IFT43: variants seen among roughly 807,000 people sequenced by gnomAD.
The protein encoded by IFT43 is intraflagellar transport protein 43 homolog.
Under a neutral mutation model 32.3 loss-of-function variants are expected in IFT43, and 33 were observed. That is an observed-to-expected ratio of 1.02 (90% confidence interval 0.77 to 1.37). The LOEUF is 1.37. IFT43 is among the 40% of genes most tolerant of loss of function. The probability of loss-of-function intolerance (pLI) is 0.00; values close to 1 mark genes in which losing one functional copy is unlikely to be tolerated. For synonymous variants in IFT43, 93 were observed against 98.2 expected (o/e 0.95, Z 0.31); for missense variants, 274 against 265.9 (o/e 1.03, Z -0.21).
intron 2 of IFT43, among the ~76,000 whole-genome samples, chr14:76,004,025 C>T (rs2035937892): frequency 6.6e-6 from 1 of 152,194 alleles, no homozygotes; most frequent in African/African-American, 2.4e-5. Flanking sequence ...ATCCACCTGC[C>T]TCGGCCTCCC....
chr14:76,009,345 G>C lies in IFT43; in HGVS notation c.148-12982G>C, dbSNP rs146263838. ...TAGTACCCACTTCATCATATCATAAGATTCAGCAAATAATCCTCCTAAAGC... is the reference window on the plus strand; with the variant it reads ...TAGTACCCACTTCATCATATCATAACATTCAGCAAATAATCCTCCTAAAGC... On this transcript the variant is annotated intron_variant, in intron 2 of 8. Coordinates refer to ENST00000314067, the MANE Select transcript of IFT43 (RefSeq NM_001102564.3). Among the ~76,000 whole-genome samples the C allele has an allele frequency of 8.9e-3, 1,357 of 152,320 alleles. 18 individuals are homozygous for C. Among genetic ancestry groups the C allele is most frequent in the African/African-American group, 0.03 (1,263 of 41,558 alleles).
chr14:76,047,765 A>G (rs1016127585), intron 3 of IFT43, among the ~76,000 whole-genome samples: 2 of 151,032 alleles, frequency 1.3e-5, no homozygotes, highest in African/African-American at 2.4e-5. Flanking sequence ...GCAGTTTCCA[A>G]ACCTGCACAC....
At chr14:76,058,357 G>T (rs955213090) in intron 3 of IFT43, 2 of 384,760 alleles carry the variant, frequency 5.2e-6, no homozygotes, top group African/African-American at 4.2e-5. Flanking sequence ...AGAGGGCACT[G>T]AATCATCTGT....
chr14:75,999,253 ATATATATATATATATATATGTATATATAT>A (rs2035819731), intron 2 of IFT43, among the ~76,000 whole-genome samples: 2 of 10,664 alleles, frequency 1.9e-4, no homozygotes, highest in South Asian at 2.7e-3. Flanking sequence ...ATATATATAT[ATATATATATATATATATATGTATATATAT>A]TTTTTTTTTT....
intron 3 of IFT43, among the ~76,000 whole-genome samples, chr14:76,030,322 TG>T (rs2139980313): frequency 6.6e-6 from 1 of 152,320 alleles, no homozygotes; most frequent in South Asian, 2.1e-4. Context: ...CTTATGCTTT[TG>T]TGCTTTATTA....
intron 5 of IFT43, among the ~76,000 whole-genome samples, chr14:76,077,897 CAGAAATACGT>C (rs2037439209): frequency 1.3e-5 from 2 of 152,228 alleles, no homozygotes; most frequent in African/African-American, 4.8e-5. Context: ...GTCCTCAATG[CAGAAATACGT>C]ATTCTTCCTT....
chr14:76,021,736 T>C (rs2036295571), intron 2 of IFT43, among the ~76,000 whole-genome samples: 1 of 152,222 alleles, frequency 6.6e-6, no homozygotes, highest in African/African-American at 2.4e-5. Context: ...ATTTCTAGGA[T>C]TAGAATTGCT....
chr14:76,028,336 A>T (rs1284757801), intron 3 of IFT43, among the ~76,000 whole-genome samples: 2 of 152,130 alleles, frequency 1.3e-5, no homozygotes, highest in Non-Finnish European at 2.9e-5. Flanking sequence ...GGATTGCAAA[A>T]TTTTAACTCT....
chr14:76,060,891 C>CCTCCA, intron 5 of IFT43, among the ~76,000 whole-genome samples: 1 of 148,384 alleles, frequency 6.7e-6, no homozygotes, highest in Non-Finnish European at 1.5e-5. Flanking sequence ...TCTCCCCTCC[C>CCTCCA]CTCTCTTTTC....
Position 76,076,678 on chromosome 14 carries a change from A to G in IFT43, c.296-5617A>G, listed in dbSNP as rs2037418959. The G allele has an allele frequency of 1.2e-6, 2 of 1,614,190 alleles. No individual in the cohort carries two copies. Among genetic ancestry groups the G allele is most frequent in the Admixed American group, 1.7e-5 (1 of 60,014 alleles). ...ATCACAGAGATTTGGGGCTGGCTTC[A>G]TTGGAAGAGGCAGGTAGGCTTTTGA... On this transcript the variant is annotated intron_variant, in intron 5 of 8. Coordinates refer to ENST00000314067, the MANE Select transcript of IFT43 (RefSeq NM_001102564.3).
chr14:75,988,800 G>A, intron 1 of IFT43, 85 bp from the exon 2 acceptor site: 1 of 1,604,650 alleles, frequency 6.2e-7, no homozygotes, highest in South Asian at 1.1e-5. Context: ...TTGCAGCTGT[G>A]AGCCACTGCG....
chr14:76,069,722 T>C (rs371014533), intron 5 of IFT43, among the ~76,000 whole-genome samples: 2 of 152,276 alleles, frequency 1.3e-5, no homozygotes, highest in East Asian at 1.9e-4. Flanking sequence ...CCTTAAAAAG[T>C]AGAAAGTCTC....
intron 3 of IFT43, among the ~76,000 whole-genome samples, chr14:76,025,544 C>G (rs1165976996): frequency 6.6e-6 from 1 of 152,068 alleles, no homozygotes; most frequent in African/African-American, 2.4e-5. Flanking sequence ...TCACACTACC[C>G]AACTTCAAAC....
intron 5 of IFT43, among the ~76,000 whole-genome samples, chr14:76,080,703 C>T (rs958037422): frequency 2.6e-5 from 4 of 152,182 alleles, no homozygotes; most frequent in Non-Finnish European, 5.9e-5. Context: ...TCTTACCAGC[C>T]TGGGGAACGG....
chr14:76,037,331 G>T (rs545246211), intron 3 of IFT43, among the ~76,000 whole-genome samples: 1 of 152,296 alleles, frequency 6.6e-6, no homozygotes, highest in African/African-American at 2.4e-5. Context: ...ATTGACCAGT[G>T]GGGGCAGGGC....
In IFT43 at chr14:76,056,438, T is replaced by C. The variant is rs1301204799; in HGVS notation, c.216-2204T>C. Among the ~76,000 whole-genome samples the C allele has an allele frequency of 3.9e-5, 6 of 152,210 alleles. No individual in the cohort carries two copies. The East Asian group carries it at 1.2e-3, about 29-fold the overall frequency. ...ATATTAAACTCATCCCCCTTTTGGATATTGAGTGGATAAATGGCAATTAAT... is the reference window on the plus strand; with the variant it reads ...ATATTAAACTCATCCCCCTTTTGGACATTGAGTGGATAAATGGCAATTAAT... On this transcript the variant is annotated intron_variant, in intron 3 of 8. Coordinates refer to ENST00000314067, the MANE Select transcript of IFT43 (RefSeq NM_001102564.3).
chr14:76,030,734 C>T (rs1216039717), intron 3 of IFT43, among the ~76,000 whole-genome samples: 2 of 152,114 alleles, frequency 1.3e-5, no homozygotes, highest in African/African-American at 4.8e-5. Context: ...AATTATTTCT[C>T]ATACAGGTTA....
chr14:76,027,335 C>CCA (rs1356070092), intron 3 of IFT43, among the ~76,000 whole-genome samples: 2 of 46,652 alleles, frequency 4.3e-5, no homozygotes, highest in East Asian at 7.6e-4. Context: ...TCCCCAACAC[C>CCA]CCCCACACAC....
At chr14:75,999,263 ATATATATATGTATATATATTT>A (rs1203491318) in intron 2 of IFT43, among the ~76,000 whole-genome samples, 3 of 24,574 alleles carry the variant, frequency 1.2e-4, no homozygotes, top group African/African-American at 7.8e-4. Context: ...ATATATATAT[ATATATATATGTATATATATTT>A]TTTTTTTTTT....
Sources: allele counts gnomAD v4.1 joint callset (sites outside exome capture counted in the v4.1 genomes callset), GRCh38; gene constraint gnomAD v4.1.1; transcripts MANE v1.5; gene names NCBI Gene and HGNC (gene_info 2026-07-23, HGNC 2026-07-21).